Variants in THSD7B observed in about 807,000 individuals in gnomAD.
THSD7B encodes thrombospondin type-1 domain-containing protein 7B.
A neutral mutation model predicts 213.6 loss-of-function variants in THSD7B; 138 were observed. The observed-to-expected ratio is 0.65, with a 90% CI of 0.56 to 0.74. The LOEUF is 0.74. Among genes scored for constraint, THSD7B ranks in the 30% least tolerant of loss-of-function variants. THSD7B has a pLI of 0.00. For synonymous variants in THSD7B, 742 were observed against 687.0 expected, an observed-to-expected ratio of 1.08 and a Z score of -1.25; for missense variants, 1,931 against 1,991.5, an observed-to-expected ratio of 0.97 and a Z score of 0.58.
At chr2:137,195,251 T>TACAC (rs1553478049) in intron 7 of THSD7B, among the ~76,000 whole-genome samples, 31 of 150,102 alleles carry the variant, frequency 2.1e-4, no homozygotes, top group African/African-American at 7.3e-4. Flanking sequence ...TATATATATA[T>TACAC]ACACACACAC....
chr2:137,258,205 G>C (rs1254971791), intron 10 of THSD7B, among the ~76,000 whole-genome samples: 10 of 152,046 alleles, frequency 6.6e-5, no homozygotes, highest in Admixed American at 6.6e-4. Context: ...CTACGTTATG[G>C]CTTTTATTTT....
chr2:136,781,860 A>G (rs776757606), intron 1 of THSD7B, among the ~76,000 whole-genome samples: 1 of 152,188 alleles, frequency 6.6e-6, no homozygotes, highest in Non-Finnish European at 1.5e-5. Flanking sequence ...ATGTGGAGAA[A>G]TAACACCATT....
At chr2:137,336,487 G>A (rs1684641610) in intron 12 of THSD7B, among the ~76,000 whole-genome samples, 1 of 152,146 alleles carries the variant, frequency 6.6e-6, no homozygotes, top group Admixed American at 6.5e-5. Flanking sequence ...TACAGAGATG[G>A]TGTTAAAGAA....
chr2:137,358,781 C>T (rs751740271), intron 12 of THSD7B, among the ~76,000 whole-genome samples: 15 of 152,102 alleles, frequency 9.9e-5, no homozygotes, highest in South Asian at 2.1e-4. Context: ...ATTTAGAAGG[C>T]GCTTAGTGAA....
intron 4 of THSD7B, among the ~76,000 whole-genome samples, chr2:137,112,070 A>G (rs1688357102): frequency 6.6e-6 from 1 of 152,150 alleles, no homozygotes; most frequent in Admixed American, 6.5e-5. Flanking sequence ...TCGCTGTAAC[A>G]ACTTCTAAAG....
intron 17 of THSD7B, among the ~76,000 whole-genome samples, chr2:137,577,106 A>C (rs759338428): frequency 1.1e-4 from 16 of 152,116 alleles, no homozygotes; most frequent in Non-Finnish European, 2.4e-4. Context: ...GAGGATGAGA[A>C]TGATGATAAC....
intron 7 of THSD7B, among the ~76,000 whole-genome samples, chr2:137,196,386 T>G (rs952294817): frequency 1.4e-5 from 2 of 147,176 alleles, no homozygotes; most frequent in East Asian, 2.0e-4. Flanking sequence ...GTTTTTTTTT[T>G]TTTTTTTTTT....
intron 15 of THSD7B, among the ~76,000 whole-genome samples, chr2:137,462,857 G>C (rs1393164750): frequency 6.6e-6 from 1 of 150,434 alleles, no homozygotes; most frequent in Non-Finnish European, 1.5e-5. Context: ...CTTCCTTTAA[G>C]TGAATAGGTA....
intron 2 of THSD7B, among the ~76,000 whole-genome samples, chr2:136,918,237 A>G (rs1684378256): frequency 6.6e-6 from 1 of 152,176 alleles, no homozygotes; most frequent in African/African-American, 2.4e-5. Flanking sequence ...ACTAGAACTT[A>G]GGTTATCTGA....
At chr2:136,888,952 T>C (rs920480847) in intron 2 of THSD7B, among the ~76,000 whole-genome samples, 4 of 151,478 alleles carry the variant, frequency 2.6e-5, no homozygotes, top group Admixed American at 2.6e-4. Flanking sequence ...GGGGTGTGTG[T>C]GTGTGTGTGT....
chr2:137,359,454 T>C (rs943612937), intron 12 of THSD7B, among the ~76,000 whole-genome samples: 3 of 152,092 alleles, frequency 2.0e-5, no homozygotes, highest in Non-Finnish European at 2.9e-5. Context: ...AGATGAAACC[T>C]TGGGGGGTGC....
chr2:137,071,481 C>T (rs1372516524), intron 3 of THSD7B, among the ~76,000 whole-genome samples: 1 of 152,112 alleles, frequency 6.6e-6, no homozygotes, highest in South Asian at 2.1e-4. Flanking sequence ...GAGTAGATTG[C>T]AAAAATTTTC....
chr2:137,517,443 G>T (rs1288235123), intron 15 of THSD7B, among the ~76,000 whole-genome samples: 6 of 152,190 alleles, frequency 3.9e-5, no homozygotes, highest in South Asian at 4.1e-4. Flanking sequence ...CTAGGGGTCT[G>T]GTGGTGTGAG....
intron 12 of THSD7B, among the ~76,000 whole-genome samples, chr2:137,327,929 TA>T: frequency 6.6e-6 from 1 of 152,336 alleles, no homozygotes; most frequent in East Asian, 1.9e-4. Flanking sequence ...AAAAAGCAGA[TA>T]GTCCAAGTTG....
At chr2:137,068,107 G>C (rs555347091) in intron 3 of THSD7B, among the ~76,000 whole-genome samples, 44 of 152,092 alleles carry the variant, frequency 2.9e-4, no homozygotes, top group Admixed American at 2.8e-3. Flanking sequence ...CTACTTTGGA[G>C]GCAGCCATTT....
chr2:137,286,943 G>T (rs371856287), intron 12 of THSD7B, among the ~76,000 whole-genome samples: 59 of 152,216 alleles, frequency 3.9e-4, no homozygotes, highest in African/African-American at 1.3e-3. Context: ...TGAACTCTCT[G>T]TCCAAATCAA....
At chr2:137,608,323 C>G (rs1037318482) in intron 17 of THSD7B, among the ~76,000 whole-genome samples, 7 of 151,414 alleles carry the variant, frequency 4.6e-5, no homozygotes, top group Non-Finnish European at 1.0e-4. Flanking sequence ...AAATGCTTTT[C>G]AGATTACAAT....
intron 15 of THSD7B, among the ~76,000 whole-genome samples, chr2:137,491,379 A>G (rs1267761983): frequency 6.6e-6 from 1 of 152,256 alleles, no homozygotes; most frequent in Non-Finnish European, 1.5e-5. Flanking sequence ...TTTTGATGGT[A>G]CTATTACTAT....
intron 1 of THSD7B, among the ~76,000 whole-genome samples, chr2:136,811,676 A>G (rs1682379275): frequency 6.6e-6 from 1 of 152,214 alleles, no homozygotes; most frequent in African/African-American, 2.4e-5. Flanking sequence ...GACTTTAGAT[A>G]TAATTTGCTT....
Sources: allele counts gnomAD v4.1 joint callset (sites outside exome capture counted in the v4.1 genomes callset), GRCh38; gene constraint gnomAD v4.1.1; transcripts MANE v1.5; gene names NCBI Gene and HGNC (gene_info 2026-07-23, HGNC 2026-07-21).